Variants in MRPL45 observed in about 807,000 individuals in gnomAD.
The protein encoded by MRPL45 is mitochondrial ribosomal protein L45.
In MRPL45, 20 loss-of-function variants were observed where a neutral mutation model predicts 38.1. The ratio of observed to expected loss-of-function variants is 0.53; its 90% confidence interval spans 0.37 to 0.76. MRPL45 has a LOEUF of 0.76. MRPL45 is among the 30% of genes least tolerant of loss of function. The pLI is 0.00. For missense variants in MRPL45, 337 were observed against 395.6 expected, an observed-to-expected ratio of 0.85 and a Z score of 1.26; for synonymous variants, 105 against 128.8, an observed-to-expected ratio of 0.82 and a Z score of 1.25.
intron 4 of MRPL45, among the ~76,000 whole-genome samples, chr17:38,313,337 TATATATATAC>T (rs2037140464): frequency 1.1e-4 from 2 of 18,350 alleles, no homozygotes; most frequent in African/African-American, 4.7e-4. Context: ...TATATACATA[TATATATATAC>T]GTATATATAT....
chr17:38,303,785 G>A (rs1436481396), intron 3 of MRPL45, among the ~76,000 whole-genome samples: 2 of 151,390 alleles, frequency 1.3e-5, no homozygotes, highest in Admixed American at 6.6e-5. Flanking sequence ...GGAGTGCAGT[G>A]GTGCGATCTC....
At chr17:38,305,066 C>G (rs1417857227) in intron 3 of MRPL45, among the ~76,000 whole-genome samples, 6 of 151,158 alleles carry the variant, frequency 4.0e-5, no homozygotes, top group Non-Finnish European at 8.9e-5. Context: ...AGGATGATCT[C>G]GAGCTCCTGA....
intron 4 of MRPL45, among the ~76,000 whole-genome samples, chr17:38,318,206 CAAAAAAAAAAA>C (rs1163303123): frequency 1.6e-4 from 9 of 57,684 alleles, no homozygotes; most frequent in Middle Eastern, 8.8e-3. Context: ...GACTCTGTCT[CAAAAAAAAAAA>C]AAAAAAAAAA....
intron 4 of MRPL45, among the ~76,000 whole-genome samples, chr17:38,308,013 T>A (rs559587130): frequency 6.6e-6 from 1 of 151,980 alleles, no homozygotes; most frequent in African/African-American, 2.4e-5. Flanking sequence ...CAAGCGATCC[T>A]CCCATCTCAG....
rs566558232 is a variant in MRPL45, at chr17:38,307,072, G to A, written c.461+441G>A. ...TTTTGAGATGGAGTCTCGCTCTGTCGCCCAGGCTGGGAGTGCAATGGCGCA... is the reference window on the plus strand; with the variant it reads ...TTTTGAGATGGAGTCTCGCTCTGTCACCCAGGCTGGGAGTGCAATGGCGCA... On this transcript the variant is annotated intron_variant, in intron 4 of 7. Transcript: ENST00000613675. Among the ~76,000 whole-genome samples, 5 of 150,970 alleles carry A rather than the reference G, an allele frequency of 3.3e-5. No homozygotes were observed. In the South Asian group the frequency reaches 6.3e-4, roughly 19 times the overall value.
chr17:38,310,132 T>TTC (rs2037096358), intron 4 of MRPL45, among the ~76,000 whole-genome samples: 1 of 146,290 alleles, frequency 6.8e-6, no homozygotes, highest in African/African-American at 2.5e-5. Flanking sequence ...AGAATTTTCT[T>TTC]TTTTTTTTTT....
chr17:38,299,280 C>T, intron 2 of MRPL45, 71 bp from the exon 3 acceptor site: 1 of 1,020,736 alleles, frequency 9.8e-7, no homozygotes, highest in Non-Finnish European at 1.4e-6. Flanking sequence ...CCCAATTTTA[C>T]ATTACTTCAA....
At position 38,323,004 on chromosome 17, in the gene MRPL45, C is replaced by T. The variant is rs77253791; in HGVS notation, c.*409C>T. 2,707 of 167,740 alleles carry T rather than the reference C, an allele frequency of 0.016. 68 individuals carry two copies. The highest frequency in any genetic ancestry group is 0.061 in the African/African-American group (2,569 of 41,842). 10.4% of individuals were successfully genotyped at this position (167,740 alleles called of 1,614,324 possible). ...TTTTGGTGAGTTCTGCACATTTCCC[C>T]TGGTTCAGGCTGGGCATGGACCAGC... On this transcript the variant is annotated 3_prime_UTR_variant, in exon 8 of 8. Coordinates refer to ENST00000613675, the MANE Select transcript of MRPL45 (RefSeq NM_032351.6).
chr17:38,299,822 C>T (rs895041093), intron 3 of MRPL45, among the ~76,000 whole-genome samples: 4 of 151,846 alleles, frequency 2.6e-5, no homozygotes, highest in African/African-American at 4.8e-5. Flanking sequence ...CCGCAACCTC[C>T]GCCTCCTGGA....
At chr17:38,304,999 A>T (rs867013884) in intron 3 of MRPL45, among the ~76,000 whole-genome samples, 5 of 151,180 alleles carry the variant, frequency 3.3e-5, no homozygotes, top group African/African-American at 1.2e-4. Flanking sequence ...GGCACGTGCC[A>T]TCACGCTTGG....
chr17:38,320,800 T>G, intron 6 of MRPL45, 33 bp downstream of exon 6: 2 of 1,610,990 alleles, frequency 1.2e-6, no homozygotes, highest in Non-Finnish European at 1.7e-6. Context: ...CTCCCAGCTT[T>G]TTTTCACTCT....
chr17:38,318,480 C>T (rs1597655787), intron 4 of MRPL45, among the ~76,000 whole-genome samples: 1 of 150,980 alleles, frequency 6.6e-6, no homozygotes, highest in Admixed American at 6.7e-5. Flanking sequence ...TTTTATTCTG[C>T]TACTAGATCT....
intron 4 of MRPL45, among the ~76,000 whole-genome samples, chr17:38,315,667 G>A (rs1264364634): frequency 6.7e-6 from 1 of 150,326 alleles, no homozygotes; most frequent in Non-Finnish European, 1.5e-5. Context: ...TTGCTAGGAG[G>A]TTTTTGAGCT....
intron 3 of MRPL45, among the ~76,000 whole-genome samples, chr17:38,300,615 A>G (rs1484054538): frequency 6.6e-6 from 1 of 152,146 alleles, no homozygotes; most frequent in Non-Finnish European, 1.5e-5. Flanking sequence ...TTGAGTCAGT[A>G]TGAATTCTTC....
intron 3 of MRPL45, among the ~76,000 whole-genome samples, chr17:38,304,818 A>T (rs903039022): frequency 6.0e-5 from 9 of 149,332 alleles, no homozygotes; most frequent in African/African-American, 2.2e-4. Context: ...CTGGGATTAC[A>T]GACCTGAGTC....
In MRPL45 at chr17:38,297,226, T is replaced by C. The variant is rs9890011; in HGVS notation, c.43T>C (p.Phe15Leu). Residue 15 changes from phenylalanine (F) to leucine (L), a missense_variant, in exon 1 of 8, where the codon TTT becomes CTT. By Grantham distance (22) the Phe-to-Leu change is conservative. This residue lies in a region of MRPL45 where 26 missense variants were observed against 16.9 expected (regional missense o/e 1.54). Coordinates refer to ENST00000613675, the MANE Select transcript of MRPL45 (RefSeq NM_032351.6). The stretch of plus-strand genomic sequence containing the variant: ...TCAAGGGTTCTCTTGTTTATCGAGG[T>C]TTTTGGGCTGGTGGTCTCGGCAGGT... Reference protein sequence around the residue: ...IPQGFSCLSRFLGWWSRQPVL... With the variant: ...IPQGFSCLSRLLGWWSRQPVL... 6.5e-7 allele frequency: 1 copy of C among 1,543,416 alleles called. No individual in the cohort carries two copies. The highest frequency in any genetic ancestry group is 8.9e-7 in the Non-Finnish European group (1 of 1,124,924).
chr17:38,297,351 C>G, intron 1 of MRPL45, 102 bp downstream of exon 1: 1 of 1,116,240 alleles, frequency 9.0e-7, no homozygotes, highest in Non-Finnish European at 1.3e-6. Flanking sequence ...TGGGACAATA[C>G]GAGTCATACC....
At position 38,298,471 on chromosome 17, in the gene MRPL45, C is replaced by A. The variant is rs781545260; in HGVS notation, c.89C>A (p.Ala30Glu). ...CAGCCAGTTCTGGTGACTCAGTCCGCAGCTATAGTTCCAGTAAGAACTAAA... is the reference window on the plus strand; with the variant it reads ...CAGCCAGTTCTGGTGACTCAGTCCGAAGCTATAGTTCCAGTAAGAACTAAA... ...SRQPVLVTQS[A>E]AIVPVRTKKR... The change falls in exon 2 of 8, where the codon GCA becomes GAA. Residue 30 changes from alanine to glutamate, a missense_variant. By Grantham distance (107) the Ala-to-Glu change is moderately radical. This residue lies in a region of MRPL45 where 60 missense variants were observed against 109.6 expected (regional missense o/e 0.55). Transcript: ENST00000613675. 5.0e-6 allele frequency: 8 copies of A among 1,613,744 alleles called. No homozygotes were observed. In the South Asian group the frequency reaches 8.8e-5, roughly 18 times the overall value.
chr17:38,301,714 G>T (rs62076039), intron 3 of MRPL45, among the ~76,000 whole-genome samples: 1 of 151,842 alleles, frequency 6.6e-6, no homozygotes, highest in Non-Finnish European at 1.5e-5. Flanking sequence ...AAGCACATAC[G>T]GTTTTACCAT....
Sources: allele counts gnomAD v4.1 joint callset (sites outside exome capture counted in the v4.1 genomes callset), GRCh38; gene constraint gnomAD v4.1.1; regional missense constraint gnomAD v4.1.1; transcripts MANE v1.5; gene names NCBI Gene and HGNC (gene_info 2026-07-23, HGNC 2026-07-21).